The following MGAT5 variants were observed in gnomAD, a reference collection of about 807,000 sequenced individuals.
MGAT5 encodes alpha-1,6-mannosylglycoprotein 6-beta-N-acetylglucosaminyltransferase, also known as alpha-1,6-mannosylglycoprotein 6-beta-N-acetylglucosaminyltransferase A.
MGAT5 carries 30 observed loss-of-function variants against 94.3 expected under a neutral mutation model. The ratio of observed to expected loss-of-function variants is 0.32; its 90% CI spans 0.24 to 0.43. The LOEUF is 0.43. Ranked by LOEUF, MGAT5 falls within the 20% of genes least tolerant of loss-of-function variation. The pLI is 1.00. For missense variants in MGAT5, 691 were observed against 905.5 expected, an observed-to-expected ratio of 0.76 and a Z score of 3.04; for synonymous variants, 310 against 322.9, an observed-to-expected ratio of 0.96 and a Z score of 0.43.
chr2:134,342,192 C>A (rs1185803519), intron 7 of MGAT5, among the ~76,000 whole-genome samples: 2 of 152,138 alleles, frequency 1.3e-5, no homozygotes, highest in Non-Finnish European at 2.9e-5. Flanking sequence ...CCTGAAAGCC[C>A]TGAGCTGATC....
At chr2:134,201,386 T>G (rs551606515) in intron 1 of MGAT5, among the ~76,000 whole-genome samples, 3 of 152,170 alleles carry the variant, frequency 2.0e-5, no homozygotes, top group South Asian at 4.1e-4. Flanking sequence ...CCATAATAAA[T>G]TATTTTTCTG....
At chr2:134,127,366 T>C (rs143081597) in intron 1 of MGAT5, among the ~76,000 whole-genome samples, 11 of 152,260 alleles carry the variant, frequency 7.2e-5, no homozygotes, top group Non-Finnish European at 1.3e-4. Context: ...ATGACATTGT[T>C]ATTGGGCAGT....
chr2:134,131,572 A>ATTTTT (rs10617178), intron 1 of MGAT5, among the ~76,000 whole-genome samples: 5 of 85,248 alleles, frequency 5.9e-5, no homozygotes, highest in Non-Finnish European at 9.5e-5. Context: ...TGGTAGATTG[A>ATTTTT]TTTTTTTTTT....
At chr2:134,194,813 G>C (rs538284243) in intron 1 of MGAT5, among the ~76,000 whole-genome samples, 125 of 152,228 alleles carry the variant, frequency 8.2e-4, no homozygotes, top group African/African-American at 2.7e-3. Context: ...TCAAGGCCCT[G>C]GTGGAATATC....
intron 10 of MGAT5, among the ~76,000 whole-genome samples, chr2:134,398,829 C>T (rs1682865307): frequency 1.3e-5 from 2 of 152,062 alleles, no homozygotes; most frequent in South Asian, 2.1e-4. Context: ...TCACAGATGT[C>T]GAATGTTCTC....
At chr2:134,356,476 A>C (rs1395846310) in intron 9 of MGAT5, among the ~76,000 whole-genome samples, 1 of 152,118 alleles carries the variant, frequency 6.6e-6, no homozygotes, top group Non-Finnish European at 1.5e-5. Context: ...TCCACTGAAC[A>C]GTGTGTGTTT....
intron 2 of MGAT5, among the ~76,000 whole-genome samples, chr2:134,300,371 C>A (rs777047432): frequency 6.6e-6 from 1 of 152,048 alleles, no homozygotes; most frequent in African/African-American, 2.4e-5. Flanking sequence ...GAAATCACAG[C>A]CTGCCTTCTG....
chr2:134,195,311 GA>G (rs1378272004), intron 1 of MGAT5, among the ~76,000 whole-genome samples: 5 of 152,222 alleles, frequency 3.3e-5, no homozygotes, highest in African/African-American at 1.2e-4. Flanking sequence ...TTTTAACTCA[GA>G]AAAAAGATTC....
intron 1 of MGAT5, among the ~76,000 whole-genome samples, chr2:134,236,936 A>G (rs1265190801): frequency 1.3e-5 from 2 of 152,162 alleles, no homozygotes; most frequent in Non-Finnish European, 2.9e-5. Context: ...GCCTCTTATC[A>G]CCCTTTTATA....
At chr2:134,426,204 G>A (rs1202092854) in intron 13 of MGAT5, among the ~76,000 whole-genome samples, 6 of 135,692 alleles carry the variant, frequency 4.4e-5, no homozygotes, top group East Asian at 1.9e-4. Context: ...CTGACTCACC[G>A]ACTTCCTTCC....
In MGAT5 at chr2:134,299,066, G is replaced by A. The variant is rs77663856; in HGVS notation, c.407-18463G>A. On this transcript the variant is annotated intron_variant, in intron 2 of 15. Coordinates refer to ENST00000281923, the MANE Select transcript of MGAT5 (RefSeq NM_002410.5). Reference sequence around the variant, plus strand: ...TCTTGCCCAAAAACACTTGCCCATCGTTTCTTCTTCTTCCCTAGAATTTAT... The same window carrying A: ...TCTTGCCCAAAAACACTTGCCCATCATTTCTTCTTCTTCCCTAGAATTTAT... Among the ~76,000 whole-genome samples, 504 of 152,162 alleles carry A rather than the reference G, an allele frequency of 3.3e-3. 4 individuals are homozygous for A. The highest frequency in any genetic ancestry group is 0.011 in the African/African-American group (477 of 41,506).
At chr2:134,369,727 TTGTGTG>T (rs10526028) in intron 10 of MGAT5, among the ~76,000 whole-genome samples, 24 of 142,194 alleles carry the variant, frequency 1.7e-4, no homozygotes, top group African/African-American at 6.3e-4. Flanking sequence ...GGTTTTTACA[TTGTGTG>T]TGTGTGTGTG....
chr2:134,249,749 A>C (rs1682481571), upstream of MGAT5, among the ~76,000 whole-genome samples: 1 of 152,222 alleles, frequency 6.6e-6, no homozygotes, highest in South Asian at 2.1e-4. Context: ...TTGTGTAGAC[A>C]CGTATTTTCA....
chr2:134,396,104 T>C (rs1253735855), intron 10 of MGAT5, among the ~76,000 whole-genome samples: 1 of 152,102 alleles, frequency 6.6e-6, no homozygotes, highest in Non-Finnish European at 1.5e-5. Flanking sequence ...GAGGTAAGGG[T>C]TTGGGAAGGA....
intron 1 of MGAT5, among the ~76,000 whole-genome samples, chr2:134,122,743 C>A (rs1347201682): frequency 6.6e-6 from 1 of 152,204 alleles, no homozygotes; most frequent in African/African-American, 2.4e-5. Flanking sequence ...TGACTGGAGT[C>A]ATTAGGAGAA....
At chr2:134,175,081 A>G (rs1165903137) in intron 1 of MGAT5, among the ~76,000 whole-genome samples, 2 of 152,202 alleles carry the variant, frequency 1.3e-5, no homozygotes, top group Non-Finnish European at 2.9e-5. Flanking sequence ...TCTCCCTACC[A>G]GGGAGTATGT....
upstream of MGAT5, among the ~76,000 whole-genome samples, chr2:134,252,745 AT>A (rs1359485722): frequency 6.6e-6 from 1 of 152,112 alleles, no homozygotes; most frequent in Non-Finnish European, 1.5e-5. Flanking sequence ...TCTGTTACAT[AT>A]TTTTTATTGC....
chr2:134,440,010 A>T (rs541617768), intron 14 of MGAT5, among the ~76,000 whole-genome samples: 1 of 152,204 alleles, frequency 6.6e-6, no homozygotes, highest in Non-Finnish European at 1.5e-5. Context: ...CTCTAGAAGG[A>T]CACACATTGA....
At chr2:134,264,046 G>A (rs1214695593) in intron 1 of MGAT5, among the ~76,000 whole-genome samples, 1 of 128,484 alleles carries the variant, frequency 7.8e-6, no homozygotes, top group Non-Finnish European at 1.6e-5. Flanking sequence ...TTTTGAGATG[G>A]AGTTTCACTC....
Sources: gnomAD v4.1 joint callset for allele counts (sites outside exome capture counted in the v4.1 genomes callset) on GRCh38, gnomAD v4.1.1 for gene constraint, MANE v1.5 for transcripts, NCBI Gene and HGNC (gene_info 2026-07-23, HGNC 2026-07-21) for gene names.